The following NRXN1 variants were observed in gnomAD, a reference collection of about 807,000 sequenced individuals.
NRXN1 encodes the protein neurexin-1.
Under a neutral mutation model 150.9 loss-of-function variants are expected in NRXN1, and 39 were observed. The ratio of observed to expected loss-of-function variants is 0.26; its 90% CI spans 0.20 to 0.34. NRXN1 has a LOEUF of 0.34. Among genes scored for constraint, NRXN1 ranks in the 10% least tolerant of loss-of-function variants. The pLI is 1.00. For synonymous variants in NRXN1, 924 were observed against 757.0 expected (o/e 1.22, Z -3.62); for missense variants, 1,815 against 1,949.9 (o/e 0.93, Z 1.30).
intron 12 of NRXN1, among the ~76,000 whole-genome samples, chr2:50,511,529 T>C (rs2092451802): frequency 6.6e-6 from 1 of 152,208 alleles, no homozygotes; most frequent in Non-Finnish European, 1.5e-5. Context: ...TGATATTCAC[T>C]GGGTTTGCTG....
At chr2:50,869,913 G>T (rs1011643379) in intron 5 of NRXN1, among the ~76,000 whole-genome samples, 1 of 151,840 alleles carries the variant, frequency 6.6e-6, no homozygotes, top group Non-Finnish European at 1.5e-5. Flanking sequence ...ATAAACAGTT[G>T]CTGAGCATCT....
intron 2 of NRXN1, among the ~76,000 whole-genome samples, chr2:50,977,632 C>T (rs1016106502): frequency 1.3e-5 from 2 of 151,874 alleles, no homozygotes; most frequent in African/African-American, 2.4e-5. Context: ...GGGTCCACCA[C>T]ATTAAACACA....
intron 8 of NRXN1, among the ~76,000 whole-genome samples, chr2:50,604,668 T>C (rs759842888): frequency 3.3e-5 from 5 of 152,312 alleles, no homozygotes; most frequent in Admixed American, 1.3e-4. Context: ...TTTTCTCAAA[T>C]GTTACCTCCT....
At chr2:50,862,009 C>G (rs563890795) in intron 5 of NRXN1, among the ~76,000 whole-genome samples, 2 of 151,934 alleles carry the variant, frequency 1.3e-5, no homozygotes, top group Admixed American at 1.3e-4. Flanking sequence ...CAAGACCAGC[C>G]TGGCCAACAT....
chr2:50,167,018 T>C (rs535350975), intron 18 of NRXN1, among the ~76,000 whole-genome samples: 1 of 152,302 alleles, frequency 6.6e-6, no homozygotes, highest in South Asian at 2.1e-4. Context: ...GCATGTAGAT[T>C]ACATACAATG....
In NRXN1 at chr2:50,553,043, C is replaced by CA. The variant is rs1667758426; in HGVS notation, c.1321-19dup. On this transcript the variant is annotated intron_variant, in intron 8 of 22. Coordinates refer to ENST00000401669, the MANE Select transcript of NRXN1 (RefSeq NM_001330078.2). ...TATACAACCTGTGGGCAGAGGATAGCAGTGAGAAACTAGCCTCCATATTTT... is the reference window on the plus strand; with the variant it reads ...TATACAACCTGTGGGCAGAGGATAGCAAGTGAGAAACTAGCCTCCATATTTT... 3.9e-6 allele frequency: 6 copies of CA among 1,529,846 alleles called. No homozygotes were observed. In the East Asian group the frequency reaches 1.4e-4, roughly 35 times the overall value. The allele number at this position is 1,529,846 out of a possible 1,614,324, so 94.8% of individuals were successfully genotyped here.
At chr2:50,558,187 T>C (rs1209983924) in intron 8 of NRXN1, among the ~76,000 whole-genome samples, 1 of 152,200 alleles carries the variant, frequency 6.6e-6, no homozygotes, top group Non-Finnish European at 1.5e-5. Context: ...GTATAATTAT[T>C]TCCTATTACC....
intron 18 of NRXN1, among the ~76,000 whole-genome samples, chr2:50,097,003 T>C (rs1700315358): frequency 6.6e-6 from 1 of 152,228 alleles, no homozygotes; most frequent in Non-Finnish European, 1.5e-5. Flanking sequence ...TATGTGCCTA[T>C]GAAATGGATA....
chr2:49,929,548 T>C (rs966277602), intron 22 of NRXN1, among the ~76,000 whole-genome samples: 6 of 152,158 alleles, frequency 3.9e-5, no homozygotes, highest in African/African-American at 1.4e-4. Context: ...CTACTCCAAT[T>C]TGTCTTCCAT....
At chr2:50,259,316 T>A (rs2068021880) in intron 17 of NRXN1, among the ~76,000 whole-genome samples, 1 of 151,938 alleles carries the variant, frequency 6.6e-6, no homozygotes, top group Non-Finnish European at 1.5e-5. Flanking sequence ...ACATCAGGAC[T>A]GTTGCTTCAA....
intron 21 of NRXN1, among the ~76,000 whole-genome samples, chr2:49,985,063 A>C (rs1218751170): frequency 6.6e-6 from 1 of 152,222 alleles, no homozygotes; most frequent in African/African-American, 2.4e-5. Flanking sequence ...CAGCTTTGGC[A>C]CTTAGATTGA....
chr2:51,021,649 C>T (rs1277377332), intron 2 of NRXN1, among the ~76,000 whole-genome samples: 2 of 151,810 alleles, frequency 1.3e-5, no homozygotes, highest in African/African-American at 2.4e-5. Context: ...AAATATATTA[C>T]CTATCTTATC....
At chr2:50,406,183 T>A (rs1300279656) in intron 17 of NRXN1, among the ~76,000 whole-genome samples, 2 of 152,106 alleles carry the variant, frequency 1.3e-5, no homozygotes, top group African/African-American at 4.8e-5. Flanking sequence ...CCTCTAGGAA[T>A]AAGTCTTTAA....
intron 5 of NRXN1, among the ~76,000 whole-genome samples, chr2:50,756,346 G>GT (rs1701154299): frequency 6.6e-6 from 1 of 151,378 alleles, no homozygotes; most frequent in Non-Finnish European, 1.5e-5. Context: ...GTGCATTCTA[G>GT]ATGCCAACAT....
At chr2:50,224,717 GA>G (rs2064205415) in intron 18 of NRXN1, among the ~76,000 whole-genome samples, 1 of 150,814 alleles carries the variant, frequency 6.6e-6, no homozygotes, top group Non-Finnish European at 1.5e-5. Context: ...GAGAGAGAGA[GA>G]GAGAGAGAGA....
intron 21 of NRXN1, among the ~76,000 whole-genome samples, chr2:50,028,589 C>G (rs1243045118): frequency 6.6e-6 from 1 of 152,192 alleles, no homozygotes; most frequent in South Asian, 2.1e-4. Context: ...TCTGGATAGG[C>G]AATCTCTCAG....
intron 5 of NRXN1, among the ~76,000 whole-genome samples, chr2:50,695,015 C>G (rs1692613858): frequency 6.6e-6 from 1 of 152,076 alleles, no homozygotes; most frequent in Non-Finnish European, 1.5e-5. Context: ...ATAAACACAG[C>G]TGGATTCTCT....
At chr2:50,623,892 C>T (rs567984736) in intron 5 of NRXN1, among the ~76,000 whole-genome samples, 5 of 152,188 alleles carry the variant, frequency 3.3e-5, no homozygotes, top group East Asian at 3.9e-4. Context: ...CCCATTAACT[C>T]GTCATTTAGC....
intron 16 of NRXN1, among the ~76,000 whole-genome samples, chr2:50,469,836 A>G (rs1391116709): frequency 6.6e-6 from 1 of 151,174 alleles, no homozygotes; most frequent in African/African-American, 2.4e-5. Context: ...AACCAATGCC[A>G]TAAGTGACTG....
Sources: allele counts gnomAD v4.1 joint callset (sites outside exome capture counted in the v4.1 genomes callset), GRCh38; gene constraint gnomAD v4.1.1; transcripts MANE v1.5; gene names NCBI Gene and HGNC (gene_info 2026-07-23, HGNC 2026-07-21).